The following DHX33 variants were observed in gnomAD, a reference collection of about 807,000 sequenced individuals.
DHX33 encodes the protein ATP-dependent RNA helicase DHX33.
DHX33 carries 42 observed loss-of-function variants against 72.5 expected under a neutral mutation model. The observed-to-expected ratio is 0.58, with a 90% CI of 0.45 to 0.75. The LOEUF is 0.75. Among genes scored for constraint, DHX33 ranks in the 30% least tolerant of loss-of-function variants. The probability of loss-of-function intolerance (pLI) is 0.00; values close to 1 mark genes in which losing one functional copy is unlikely to be tolerated. For synonymous variants in DHX33, 358 were observed against 366.1 expected (o/e 0.98, Z 0.25); for missense variants, 842 against 917.5 (o/e 0.92, Z 1.06).
chr17:5,456,326 T>G lies in DHX33; in HGVS notation c.850-144A>C, dbSNP rs965188859. 1.4e-5 allele frequency: 13 copies of G among 932,566 alleles called. 1 individual carries two copies. Among genetic ancestry groups the G allele is most frequent in the Admixed American group, 2.5e-5 (1 of 40,314 alleles). 57.8% of individuals were successfully genotyped at this position (932,566 alleles called of 1,614,324 possible). On this transcript the variant is annotated intron_variant, in intron 4 of 11. Transcript: ENST00000225296. ...ATGAGCCTAAAAGTTGATGTCTAGC[T>G]TGGAGAGAACCCTTACCAGCAGTGT...
intron 3 of DHX33, 54 bp from the exon 4 acceptor site, chr17:5,461,163 C>G: frequency 6.4e-7 from 1 of 1,554,996 alleles, no homozygotes; most frequent in South Asian, 1.2e-5. Flanking sequence ...AAGGCCTTTC[C>G]GTGTCCCTCT....
At position 5,453,875 on chromosome 17, in the gene DHX33, T is replaced by G. The variant is rs1403076564; in HGVS notation, c.1253A>C (p.Tyr418Ser). The G allele has an allele frequency of 6.2e-7, 1 of 1,614,134 alleles. No individual in the cohort carries two copies. Among genetic ancestry groups the G allele is most frequent in the Admixed American group, 1.7e-5 (1 of 60,018 alleles). Residue 418 changes from tyrosine to serine, a missense_variant, in exon 7 of 12, where the codon TAC (tyrosine) becomes TCC (serine). Transcript: ENST00000225296. Reference sequence around the variant, plus strand: ...AAACTTCTCAAACTCGTCCTCCGTGTAGAGCCGGTAGCAGATGCCACTGTC... The same window carrying G: ...AAACTTCTCAAACTCGTCCTCCGTGGAGAGCCGGTAGCAGATGCCACTGTC... ...REDSGICYRL[Y>S]TEDEFEKFDK...
At chr17:5,457,437 AC>A (rs1904374874) in intron 4 of DHX33, among the ~76,000 whole-genome samples, 1 of 152,086 alleles carries the variant, frequency 6.6e-6, no homozygotes, top group South Asian at 2.1e-4. Flanking sequence ...AGCCTGTCCA[AC>A]ACAGTGAAAT....
At chr17:5,464,153 G>T (rs1201563390) in intron 1 of DHX33, among the ~76,000 whole-genome samples, 1 of 152,158 alleles carries the variant, frequency 6.6e-6, no homozygotes, top group Non-Finnish European at 1.5e-5. Flanking sequence ...AACATAGGGA[G>T]ATGCCGTCTC....
chr17:5,466,838 C>T (rs1904891740), intron 1 of DHX33, among the ~76,000 whole-genome samples: 1 of 152,138 alleles, frequency 6.6e-6, no homozygotes, highest in South Asian at 2.1e-4. Flanking sequence ...AGGTTTTCAA[C>T]AAAGGTAAAG....
chr17:5,443,756 G>C lies in DHX33; in HGVS notation c.*449C>G, dbSNP rs147977554. 101 of 156,594 alleles carry C rather than the reference G, an allele frequency of 6.4e-4. 1 individual carries two copies. In the East Asian group the frequency reaches 0.014, roughly 21 times the overall value. The allele number at this position is 156,594 out of a possible 1,614,324, so 9.7% of individuals were successfully genotyped here. A position where few individuals can be genotyped will look rare whatever the true frequency, so the allele number is the denominator to read the frequency against. ...ATCTCCCTCAGTCACAAGAACTTGG[G>C]ATATTGCTGTACTTCACATCATATG... On this transcript the variant is annotated 3_prime_UTR_variant, in exon 12 of 12. Transcript: ENST00000225296.
Position 5,449,893 on chromosome 17 carries a change from G to GTT in DHX33, c.1728+309_1728+310insAA, listed in dbSNP as rs1210599608. The stretch of plus-strand genomic sequence containing the variant: ...TGCTTAGCATGGGGCTTGGCACAGA[G>GTT]TAAGTACTCATTCATTGGTACGCAC... On this transcript the variant is annotated intron_variant, in intron 10 of 11. Coordinates refer to ENST00000225296, the MANE Select transcript of DHX33 (RefSeq NM_020162.4). Among the ~76,000 whole-genome samples, 14 of 152,322 alleles carry GTT rather than the reference G, an allele frequency of 9.2e-5. No homozygotes were observed. The East Asian group carries it at 2.7e-3, about 29-fold the overall frequency.
chr17:5,446,323 G>C (rs1025143455), intron 11 of DHX33, among the ~76,000 whole-genome samples: 1 of 152,162 alleles, frequency 6.6e-6, no homozygotes, highest in African/African-American at 2.4e-5. Flanking sequence ...ATCTAGCTCA[G>C]TTGTCACCAC....
chr17:5,447,647 A>C (rs1916712574), intron 11 of DHX33, among the ~76,000 whole-genome samples: 2 of 152,082 alleles, frequency 1.3e-5, no homozygotes, highest in African/African-American at 4.8e-5. Context: ...AGGAAAAAAA[A>C]CACTTTGCGG....
chr17:5,463,444 C>T, intron 2 of DHX33, 85 bp downstream of exon 2: 2 of 1,403,170 alleles, frequency 1.4e-6, no homozygotes, highest in South Asian at 2.7e-5. Flanking sequence ...TAAAAGGAGT[C>T]TTGTTTAGAA....
chr17:5,468,129 C>T (rs1212072367), intron 1 of DHX33, among the ~76,000 whole-genome samples: 2 of 152,144 alleles, frequency 1.3e-5, no homozygotes, highest in African/African-American at 4.8e-5. Context: ...CAGTCCCTGC[C>T]CCACAACTCT....
At chr17:5,455,130 G>T in intron 6 of DHX33, 30 bp downstream of exon 6, 1 of 1,572,316 alleles carries the variant, frequency 6.4e-7, no homozygotes, top group South Asian at 1.1e-5. Flanking sequence ...CTAGACACAG[G>T]AGAGACATTC....
intron 8 of DHX33, among the ~76,000 whole-genome samples, chr17:5,453,183 G>T (rs1178642612): frequency 1.3e-5 from 2 of 152,174 alleles, no homozygotes; most frequent in Admixed American, 6.5e-5. Flanking sequence ...ACCTTCACTG[G>T]TTCCAGAGGT....
chr17:5,459,372 A>G (rs569259941), intron 4 of DHX33, among the ~76,000 whole-genome samples: 2 of 141,320 alleles, frequency 1.4e-5, no homozygotes, highest in African/African-American at 5.9e-5. Context: ...ATTTTTAAAT[A>G]TTCTCCTAAT....
chr17:5,455,096 G>A (rs1917129893), intron 6 of DHX33, 64 bp downstream of exon 6: 5 of 1,378,976 alleles, frequency 3.6e-6, no homozygotes, highest in South Asian at 1.2e-5. Context: ...AAAACTGTGG[G>A]ACTACAGTTT....
At chr17:5,451,057 C>T (rs1204957304) in intron 8 of DHX33, 123 bp from the exon 9 acceptor site, 2 of 1,117,932 alleles carry the variant, frequency 1.8e-6, no homozygotes, top group Non-Finnish European at 2.5e-6. Flanking sequence ...ATAACCGCCA[C>T]TGCCCCCTTG....
rs778644050 is a variant in DHX33, at chr17:5,450,196, GGC to G, written c.1728+5_1728+6del. 8.7e-6 allele frequency: 14 copies of G among 1,614,006 alleles called. No individual in the cohort carries two copies. Among genetic ancestry groups the G allele is most frequent in the Admixed American group, 1.7e-5 (1 of 60,006 alleles). On this transcript the variant is annotated splice_donor_5th_base_variant and intron_variant, in intron 10 of 11. Transcript: ENST00000225296. The stretch of plus-strand genomic sequence containing the variant: ...TCGCTGGAGAACAGGTGCAAGACAA[GGC>G]TCACCTTATTTCCGCCTAGGTTTTT...
rs758631995 is a variant in DHX33, at chr17:5,468,691, G to C, written c.169C>G (p.Gln57Glu). The C allele has an allele frequency of 2.5e-5, 41 of 1,611,772 alleles. No individual in the cohort carries two copies. Among genetic ancestry groups the C allele is most frequent in the Non-Finnish European group, 3.1e-5 (36 of 1,179,398 alleles). Residue 57 changes from glutamine to glutamate, a missense_variant, in exon 1 of 12, where the codon CAG becomes GAG. Coordinates refer to ENST00000225296, the MANE Select transcript of DHX33 (RefSeq NM_020162.4). The part of the protein sequence containing the change: ...GGRRQQPPLA[Q>E]PSASPYPEAV... ...TCAGGGTAGGGACTGGCCGAGGGCT[G>C]GGCCAGGGGCGGCTGCTGCCTCCGG...
Position 5,463,680 on chromosome 17 carries a change from C to T in DHX33, c.299G>A (p.Gly100Asp). The T allele has an allele frequency of 6.2e-7, 1 of 1,605,686 alleles. No individual in the cohort carries two copies. The highest frequency in any genetic ancestry group is 8.5e-7 in the Non-Finnish European group (1 of 1,177,206). Residue 100 changes from glycine (G) to aspartate (D), a missense_variant, in exon 2 of 12, where the codon GGC becomes GAC. Coordinates refer to ENST00000225296, the MANE Select transcript of DHX33 (RefSeq NM_020162.4). ...AGGGATCTGAGTTGTCTTCCCAGAG[C>T]CAGTTTCCCCTAGGAGAGAGGGGGA... Reference protein sequence around the residue: ...LDNAVLIGETGSGKTTQIPQY... With the variant: ...LDNAVLIGETDSGKTTQIPQY...
Sources: gnomAD v4.1 joint callset for allele counts (sites outside exome capture counted in the v4.1 genomes callset) on GRCh38, gnomAD v4.1.1 for gene constraint, MANE v1.5 for transcripts, NCBI Gene and HGNC (gene_info 2026-07-23, HGNC 2026-07-21) for gene names.